RNF17: variants seen among roughly 807,000 people sequenced by gnomAD.
RNF17 encodes spermatogenesis associated 23.
In RNF17, 31 loss-of-function variants were observed where a neutral mutation model predicts 200.5. The observed-to-expected ratio is 0.15, with a 90% CI of 0.12 to 0.21. The LOEUF is 0.21. Among genes scored for constraint, RNF17 ranks in the 10% least tolerant of loss-of-function variants. The pLI, the probability that RNF17 is intolerant of heterozygous loss-of-function variation, is 1.00. For synonymous variants in RNF17, 606 were observed against 637.8 expected, an observed-to-expected ratio of 0.95 and a Z score of 0.75; for missense variants, 1,628 against 1,905.1, an observed-to-expected ratio of 0.85 and a Z score of 2.71.
chr13:24,760,823 A>G (rs555215660), upstream of RNF17, among the ~76,000 whole-genome samples: 2 of 152,342 alleles, frequency 1.3e-5, no homozygotes, highest in East Asian at 3.9e-4. Flanking sequence ...CTAAATAGAC[A>G]TTTCTCAAAA....
chr13:24,884,273 T>C, downstream of RNF17: 1 of 1,614,142 alleles, frequency 6.2e-7, no homozygotes, highest in South Asian at 1.1e-5. Flanking sequence ...CAGTCTGCCT[T>C]TTCTCCAGAG....
Position 24,778,338 on chromosome 13 carries a change from C to G in RNF17, c.361C>G (p.Leu121Val). The change falls in exon 4 of 36, where the codon CTA (leucine) becomes GTA (valine). Residue 121 changes from leucine to valine, a missense_variant. Physicochemically the swap from Leu to Val is conservative, Grantham distance 32 (BLOSUM62 1). Coordinates refer to ENST00000255324, the MANE Select transcript of RNF17 (RefSeq NM_031277.3). ...GGACTTTAAGAAGACTGCTGATCAG[C>G]TAACTACTGGTTTAGAACGTTCAGC... Reference protein sequence around the residue: ...SQDFKKTADQLTTGLERSAST... With the variant: ...SQDFKKTADQVTTGLERSAST... 6.2e-7 allele frequency: 1 copy of G among 1,613,488 alleles called. No homozygotes were observed. The highest frequency in any genetic ancestry group is 8.5e-7 in the Non-Finnish European group (1 of 1,179,484).
downstream of RNF17, chr13:24,884,559 T>A: frequency 8.3e-7 from 1 of 1,201,222 alleles, no homozygotes; most frequent in Non-Finnish European, 1.2e-6. Flanking sequence ...TTTTTTGTAA[T>A]AAAATGTAAA....
At chr13:24,751,284 G>A in the RNF17 span, 1 of 147,420 alleles carries the variant, frequency 6.8e-6, no homozygotes, top group Non-Finnish European at 1.5e-5. Context: ...TATTATATAG[G>A]TTTTCTGATA....
At chr13:24,839,425 A>G (rs958290148) in intron 18 of RNF17, among the ~76,000 whole-genome samples, 2 of 152,264 alleles carry the variant, frequency 1.3e-5, no homozygotes, top group African/African-American at 2.4e-5. Flanking sequence ...CCACATAGCC[A>G]AAGCAAGACT....
downstream of RNF17, chr13:24,883,185 C>G: frequency 1.2e-6 from 2 of 1,613,876 alleles, no homozygotes; most frequent in Non-Finnish European, 1.7e-6. Flanking sequence ...CGTCACAGCT[C>G]CGTGTCCATT....
At chr13:24,781,989 A>T in intron 6 of RNF17, 45 bp downstream of exon 6, 4 of 1,184,648 alleles carry the variant, frequency 3.4e-6, no homozygotes, top group South Asian at 1.3e-5. Flanking sequence ...GAAGTTTCTA[A>T]CACTAACTTG....
At chr13:24,806,502 T>G (rs1885863664) in intron 15 of RNF17, among the ~76,000 whole-genome samples, 1 of 152,160 alleles carries the variant, frequency 6.6e-6, no homozygotes, top group Admixed American at 6.5e-5. Flanking sequence ...CCACATCCTC[T>G]CCAGCATCTG....
At chr13:24,839,262 A>G (rs1890356560) in intron 18 of RNF17, among the ~76,000 whole-genome samples, 2 of 152,098 alleles carry the variant, frequency 1.3e-5, no homozygotes, top group African/African-American at 4.8e-5. Flanking sequence ...TTGCAATGGT[A>G]CCCATATTGA....
chr13:24,885,699 A>G, the RNF17 span: 1 of 1,495,004 alleles, frequency 6.7e-7, no homozygotes, highest in African/African-American at 1.4e-5. Context: ...CAAGAGTTAG[A>G]TTTAATATTT....
At chr13:24,879,162 T>C in intron 34 of RNF17, 25 bp from the exon 35 acceptor site, 1 of 1,559,858 alleles carries the variant, frequency 6.4e-7, no homozygotes, top group Non-Finnish European at 8.8e-7. Context: ...ACTGTTTTCT[T>C]GACAACTGTA....
Position 24,796,259 on chromosome 13 carries a change from A to G in RNF17, c.1363A>G (p.Ser455Gly). Residue 455 changes from serine (S) to glycine (G), a missense_variant, in exon 11 of 36, where the codon AGT becomes GGT. Physicochemically the swap from Ser to Gly is moderately conservative, Grantham distance 56. Transcript: ENST00000255324. Reference sequence around the variant, plus strand: ...GAAGGTGAATGAATTTTGCAATAGGAGTTCACACCTTGATCCTTCAGACAT... The same window carrying G: ...GAAGGTGAATGAATTTTGCAATAGGGGTTCACACCTTGATCCTTCAGACAT... ...EKKVNEFCNR[S>G]SHLDPSDILE... The G allele has an allele frequency of 6.2e-7, 1 of 1,610,420 alleles. No homozygotes were observed. The highest frequency in any genetic ancestry group is 1.1e-5 in the South Asian group (1 of 90,366).
At chr13:24,835,235 A>AC (rs1297436947) in intron 18 of RNF17, among the ~76,000 whole-genome samples, 3 of 149,508 alleles carry the variant, frequency 2.0e-5, no homozygotes, top group East Asian at 2.0e-4. Context: ...GTCCTTCCCT[A>AC]CCCCCCCTGG....
At chr13:24,878,877 A>G (rs1321947800) in intron 34 of RNF17, among the ~76,000 whole-genome samples, 1 of 152,164 alleles carries the variant, frequency 6.6e-6, no homozygotes, top group Non-Finnish European at 1.5e-5. Context: ...TAACCATCAC[A>G]GTCAGTTTAT....
chr13:24,882,845 T>C, downstream of RNF17: 1 of 336,228 alleles, frequency 3.0e-6, no homozygotes, highest in East Asian at 7.8e-5. Context: ...CTGTGGGACA[T>C]CTAGGTGATG....
chr13:24,841,201 A>G (rs1890608134), intron 18 of RNF17, among the ~76,000 whole-genome samples: 1 of 152,250 alleles, frequency 6.6e-6, no homozygotes, highest in African/African-American at 2.4e-5. Flanking sequence ...TAAGAAATAG[A>G]TCTGATAAAC....
chr13:24,884,352 C>T (rs756206004), downstream of RNF17: 262 of 1,613,992 alleles, frequency 1.6e-4, no homozygotes, highest in Non-Finnish European at 2.1e-4. Context: ...ACCTGCTTCA[C>T]GTCACCATTA....
intron 19 of RNF17, 120 bp from the exon 20 acceptor site, chr13:24,843,624 G>A (rs1593408289): frequency 1.5e-6 from 1 of 676,254 alleles, no homozygotes; most frequent in Non-Finnish European, 2.6e-6. Flanking sequence ...TAGGTCCACA[G>A]TTAAATGAAT....
chr13:24,870,894 T>C (rs1234211330), intron 32 of RNF17, among the ~76,000 whole-genome samples, 155 bp downstream of exon 32: 1 of 152,258 alleles, frequency 6.6e-6, no homozygotes, highest in Non-Finnish European at 1.5e-5. Flanking sequence ...ACCCAGAAGA[T>C]GACTTCTTTC....
Sources: allele counts gnomAD v4.1 joint callset (sites outside exome capture counted in the v4.1 genomes callset), GRCh38; gene constraint gnomAD v4.1.1; transcripts MANE v1.5; gene names NCBI Gene and HGNC (gene_info 2026-07-23, HGNC 2026-07-21).